BATF2: variants seen among roughly 807,000 people sequenced by gnomAD.
BATF2 encodes basic leucine zipper ATF-like transcription factor 2, also known as basic leucine zipper transcriptional factor ATF-like 2.
In BATF2, 4 loss-of-function variants were observed where a neutral mutation model predicts 7.3. The ratio of observed to expected loss-of-function variants is 0.55; its 90% confidence interval spans 0.27 to 1.26. The LOEUF (loss-of-function observed/expected upper bound fraction) is 1.26, where lower values mean the gene tolerates loss of function less well. BATF2 is among the 50% of genes most tolerant of loss of function. The probability of loss-of-function intolerance (pLI) is 0.11; values close to 1 mark genes in which losing one functional copy is unlikely to be tolerated. For missense variants in BATF2, 295 were observed against 340.5 expected, an observed-to-expected ratio of 0.87 and a Z score of 1.05; for synonymous variants, 152 against 153.9, an observed-to-expected ratio of 0.99 and a Z score of 0.09.
chr11:64,991,001 A>G (rs903517054), intron 2 of BATF2, among the ~76,000 whole-genome samples: 2 of 151,916 alleles, frequency 1.3e-5, no homozygotes, highest in African/African-American at 4.8e-5. Flanking sequence ...CATGTTAGCC[A>G]GGATGGTCTC....
At chr11:64,994,057 C>CA (rs1423619976) in intron 2 of BATF2, among the ~76,000 whole-genome samples, 1 of 152,144 alleles carries the variant, frequency 6.6e-6, no homozygotes, top group African/African-American at 2.4e-5. Flanking sequence ...CTCAGCCTCC[C>CA]AAAGTGCTAG....
chr11:64,996,094 AT>A (rs1946107847), intron 1 of BATF2, among the ~76,000 whole-genome samples: 1 of 151,714 alleles, frequency 6.6e-6, no homozygotes, highest in African/African-American at 2.4e-5. Flanking sequence ...AGAAGCTGGG[AT>A]TACAGGCATG....
At position 64,994,519 on chromosome 11, in the gene BATF2, TCTTCAGCTG is replaced by T; in HGVS notation, c.61_69del (p.Gln21_Lys23del). ...TGGGCGGCTGCCCGGTTCTTCTGCT[TCTTCAGCTG>T]CCTTTGTTGCTCCTTGGGGTCCTGT... On this transcript the variant is annotated inframe_deletion, in exon 2 of 3. Transcript: ENST00000301887. The T allele has an allele frequency of 6.2e-7, 1 of 1,604,326 alleles. No individual in the cohort carries two copies. The highest frequency in any genetic ancestry group is 8.5e-7 in the Non-Finnish European group (1 of 1,175,534).
intron 1 of BATF2, among the ~76,000 whole-genome samples, chr11:64,996,089 C>G (rs1236575629): frequency 6.6e-6 from 1 of 151,914 alleles, no homozygotes; most frequent in Non-Finnish European, 1.5e-5. Flanking sequence ...TCCTGAGAAG[C>G]TGGGATTACA....
chr11:64,994,382 G>C (rs1946096069), intron 2 of BATF2, 66 bp downstream of exon 2: 1 of 1,460,056 alleles, frequency 6.8e-7, no homozygotes, highest in Non-Finnish European at 9.4e-7. Context: ...AGGTGGGATG[G>C]AGAAGAGGTG....
chr11:64,991,526 C>T (rs1392596647), intron 2 of BATF2, among the ~76,000 whole-genome samples: 1 of 152,220 alleles, frequency 6.6e-6, no homozygotes, highest in Admixed American at 6.5e-5. Flanking sequence ...CTTCAACTCA[C>T]CTCCAGGAAC....
intron 1 of BATF2, 133 bp from the exon 2 acceptor site, chr11:64,994,682 C>T: frequency 1.3e-6 from 1 of 788,524 alleles, no homozygotes; most frequent in Admixed American, 2.3e-5. Flanking sequence ...CCAGAAGCTC[C>T]CTTGGCACCC....
chr11:64,989,663 C>G lies in BATF2; in HGVS notation c.291G>C (p.Leu97=). 1 of 1,613,640 alleles carries G rather than the reference C, an allele frequency of 6.2e-7. No individual in the cohort carries two copies. The change falls in exon 3 of 3, where the codon CTG becomes CTC. Residue 97 remains leucine (L), a synonymous_variant. Coordinates refer to ENST00000301887, the MANE Select transcript of BATF2 (RefSeq NM_138456.4). The surrounding 1 kb of genome is among the most constrained non-coding windows in gnomAD (Gnocchi z 4.3). ...DCASCSAPGL[L]GCWDQAEGLL... ...GCCCCTCAGCCTGGTCCCAGCAGCC[C>G]AGGAGCCCTGGAGCTGAGCAGGAGG...
At chr11:64,991,572 C>G (rs1946078045) in intron 2 of BATF2, among the ~76,000 whole-genome samples, 1 of 152,214 alleles carries the variant, frequency 6.6e-6, no homozygotes, top group Admixed American at 6.5e-5. Flanking sequence ...CATTCGTTTG[C>G]CACCTTCAGG....
chr11:64,992,089 T>C (rs1946081732), intron 2 of BATF2, among the ~76,000 whole-genome samples: 1 of 152,120 alleles, frequency 6.6e-6, no homozygotes, highest in Admixed American at 6.6e-5. Context: ...TGAAGTGCAG[T>C]GGCACGACCT....
At chr11:64,991,814 G>A (rs955884509) in intron 2 of BATF2, among the ~76,000 whole-genome samples, 3 of 152,168 alleles carry the variant, frequency 2.0e-5, no homozygotes, top group African/African-American at 7.2e-5. Flanking sequence ...CACGGGAGAC[G>A]CTCAATAAGC....
chr11:64,996,813 G>T, intron 1 of BATF2, 63 bp downstream of exon 1: 1 of 1,586,354 alleles, frequency 6.3e-7, no homozygotes, highest in Middle Eastern at 1.7e-4. Flanking sequence ...CTCACTGCCT[G>T]GGCACTGAGG....
chr11:64,989,879 G>A lies in BATF2; in HGVS notation c.142-67C>T. ...TGTCAGGGGCCCCGCATGAGCCTTA[G>A]CCCCTTCCAGGGTCCTCAACTTCAG... On this transcript the variant is annotated intron_variant, in intron 2 of 2. Transcript: ENST00000301887. This position sits in a 1 kb window ranked among gnomAD's most constrained non-coding sequence, Gnocchi z 4.3. 1 of 1,559,816 alleles carries A rather than the reference G, an allele frequency of 6.4e-7. No individual in the cohort carries two copies. The highest frequency in any genetic ancestry group is 2.3e-5 in the East Asian group (1 of 43,484).
intron 2 of BATF2, among the ~76,000 whole-genome samples, chr11:64,991,989 G>C (rs1007535567): frequency 6.6e-6 from 1 of 152,110 alleles, no homozygotes; most frequent in Non-Finnish European, 1.5e-5. Context: ...CTGGGAAAAC[G>C]CCCATTTGTC....
chr11:64,989,687 G>A lies in BATF2; in HGVS notation c.267C>T (p.Ala89=). 1.2e-6 allele frequency: 2 copies of A among 1,613,882 alleles called. No individual in the cohort carries two copies. Among genetic ancestry groups the A allele is most frequent in the Non-Finnish European group, 1.7e-6 (2 of 1,179,982 alleles). The change falls in exon 3 of 3, where the codon GCC becomes GCT. Residue 89 remains alanine (A), a synonymous_variant. Coordinates refer to ENST00000301887, the MANE Select transcript of BATF2 (RefSeq NM_138456.4). The surrounding 1 kb of genome is among the most constrained non-coding windows in gnomAD (Gnocchi z 4.3). ...VHERLCPMDC[A]SCSAPGLLGC... is the part of the protein sequence containing the mutation. ...CCAGGAGCCCTGGAGCTGAGCAGGA[G>A]GCACAATCCATGGGGCACAGGCGCT...
rs1170356700 is a variant in BATF2 at position 64,989,961 on chromosome 11, G to A, written c.142-149C>T. The A allele has an allele frequency of 6.8e-7, 1 of 1,460,928 alleles. No individual in the cohort carries two copies. The highest frequency in any genetic ancestry group is 9.4e-7 in the Non-Finnish European group (1 of 1,067,794). 90.5% of individuals were successfully genotyped at this position (1,460,928 alleles called of 1,614,324 possible). ...AGTGGGGTCTCTTGGCCACTCTCTGGCCAGCCCTTCATAACCACCTACCAA... is the reference window on the plus strand; with the variant it reads ...AGTGGGGTCTCTTGGCCACTCTCTGACCAGCCCTTCATAACCACCTACCAA... On this transcript the variant is annotated intron_variant, in intron 2 of 2. Transcript: ENST00000301887. The surrounding 1 kb of genome is among the most constrained non-coding windows in gnomAD (Gnocchi z 4.3).
At chr11:64,996,256 C>T (rs1022617315) in intron 1 of BATF2, among the ~76,000 whole-genome samples, 7 of 148,228 alleles carry the variant, frequency 4.7e-5, no homozygotes, top group Admixed American at 2.7e-4. Flanking sequence ...CCACTGAGCC[C>T]GGCCTATTTT....
chr11:64,993,191 C>T (rs914001348), intron 2 of BATF2, among the ~76,000 whole-genome samples: 21 of 152,140 alleles, frequency 1.4e-4, no homozygotes, highest in Non-Finnish European at 2.8e-4. Flanking sequence ...GAAACCCCGT[C>T]TCTGCTAAAA....
chr11:64,990,180 T>C (rs566439419), intron 2 of BATF2: 387 of 1,535,588 alleles, frequency 2.5e-4, no homozygotes, highest in Middle Eastern at 3.3e-4. Context: ...TAAAGCCCTT[T>C]AGAGGCACCC....
Sources: allele counts gnomAD v4.1 joint callset (sites outside exome capture counted in the v4.1 genomes callset), GRCh38; gene constraint gnomAD v4.1.1; non-coding constraint Gnocchi (gnomAD v3.1); transcripts MANE v1.5; gene names NCBI Gene and HGNC (gene_info 2026-07-23, HGNC 2026-07-21).